CHL1: variants seen among roughly 807,000 people sequenced by gnomAD.
The protein encoded by CHL1 is cell adhesion molecule L1 like.
In CHL1, 96 loss-of-function variants were observed where a neutral mutation model predicts 141.9. That is an observed-to-expected ratio of 0.68 (90% CI 0.57 to 0.80). CHL1 has a LOEUF of 0.80. Ranked by LOEUF, CHL1 falls within the 30% of genes least tolerant of loss-of-function variation. The probability of loss-of-function intolerance (pLI) is 0.00; values close to 1 mark genes in which losing one functional copy is unlikely to be tolerated. For synonymous variants in CHL1, 613 were observed against 502.2 expected, an observed-to-expected ratio of 1.22 and a Z score of -2.95; for missense variants, 1,820 against 1,457.2, an observed-to-expected ratio of 1.25 and a Z score of -4.05.
chr3:358,748 T>A (rs957627732), intron 11 of CHL1, among the ~76,000 whole-genome samples: 2 of 151,864 alleles, frequency 1.3e-5, no homozygotes, highest in African/African-American at 4.8e-5. Flanking sequence ...GAAAAAGATG[T>A]GTAAGTCTTT....
At chr3:292,055 GTGTTA>G (rs1235223074) in intron 2 of CHL1, among the ~76,000 whole-genome samples, 1 of 152,216 alleles carries the variant, frequency 6.6e-6, no homozygotes, top group African/African-American at 2.4e-5. Flanking sequence ...ACGTTTCAGA[GTGTTA>G]GAAACCGCCT....
intron 19 of CHL1, among the ~76,000 whole-genome samples, chr3:388,071 T>C (rs1167711232): frequency 1.3e-5 from 2 of 152,246 alleles, no homozygotes; most frequent in Non-Finnish European, 2.9e-5. Context: ...TTTATATAAG[T>C]GAACCTTAAA....
chr3:246,359 A>G (rs1388056655), intron 2 of CHL1, among the ~76,000 whole-genome samples: 2 of 151,966 alleles, frequency 1.3e-5, no homozygotes, highest in Non-Finnish European at 2.9e-5. Flanking sequence ...TATTTTATTG[A>G]ATTATGTTTA....
chr3:228,185 T>C lies in CHL1; in HGVS notation c.-174-16428T>C, dbSNP rs150159009. ...AATGTATAGTCTTAAAAACAATATGTTTTTTAAGGACAATTTTAATTCAAT... is the reference window on the plus strand; with the variant it reads ...AATGTATAGTCTTAAAAACAATATGCTTTTTAAGGACAATTTTAATTCAAT... On this transcript the variant is annotated intron_variant, in intron 1 of 27. Transcript: ENST00000256509. 1.4e-3 allele frequency among the ~76,000 whole-genome samples: 209 copies of C among 152,278 alleles called. 1 individual carries two copies. The highest frequency in any genetic ancestry group is 2.3e-3 in the Non-Finnish European group (157 of 68,000).
At chr3:240,595 TTAA>T (rs1271667329) in intron 1 of CHL1, among the ~76,000 whole-genome samples, 1 of 152,218 alleles carries the variant, frequency 6.6e-6, no homozygotes, top group Non-Finnish European at 1.5e-5. Flanking sequence ...CAGAAGCTCT[TTAA>T]TTAAGTCCCA....
In CHL1 at chr3:405,639, C is replaced by T. The variant is rs566190442; in HGVS notation, c.3603C>T (p.Tyr1201=). Residue 1201 remains tyrosine, a synonymous_variant, in exon 28 of 28, where the codon TAC becomes TAT. Transcript: ENST00000256509. ...FSEDGSFIGA[Y]AGSKEKGSVE... is the part of the protein sequence containing the mutation. ...AAGATGGATCATTTATTGGTGCCTA[C>T]GCTGGATCTAAGGAGAAGGGATCTG... The T allele has an allele frequency of 4.0e-5, 64 of 1,613,502 alleles. No individual in the cohort carries two copies. The Admixed American group carries it at 5.0e-4, about 13-fold the overall frequency.
At chr3:258,385 A>G (rs1305808963) in intron 2 of CHL1, among the ~76,000 whole-genome samples, 1 of 152,204 alleles carries the variant, frequency 6.6e-6, no homozygotes, top group Non-Finnish European at 1.5e-5. Context: ...GCCAACATCT[A>G]CTTCCACATC....
At chr3:236,104 T>C (rs1691953742) in intron 1 of CHL1, among the ~76,000 whole-genome samples, 1 of 152,150 alleles carries the variant, frequency 6.6e-6, no homozygotes, top group Admixed American at 6.6e-5. Flanking sequence ...ATTTGGACCT[T>C]GTGTGGCAGC....
chr3:236,595 A>G (rs73018685), intron 1 of CHL1, among the ~76,000 whole-genome samples: 10,597 of 152,198 alleles, frequency 0.07, 410 homozygotes, highest in Middle Eastern at 0.11. Flanking sequence ...ATATAATTCT[A>G]TTGTGTACGA....
At chr3:303,455 C>T (rs1050162202) in intron 2 of CHL1, among the ~76,000 whole-genome samples, 15 of 152,144 alleles carry the variant, frequency 9.9e-5, no homozygotes, top group Admixed American at 2.0e-4. Context: ...CCTTCACATC[C>T]CTTGTAAGTT....
At chr3:280,912 A>ACC (rs1696586126) in intron 2 of CHL1, among the ~76,000 whole-genome samples, 1 of 148,998 alleles carries the variant, frequency 6.7e-6, no homozygotes, top group Non-Finnish European at 1.5e-5. Flanking sequence ...ACACACATGC[A>ACC]CCACACACAC....
At chr3:213,066 C>T (rs1418217167) in intron 1 of CHL1, 2 of 152,194 alleles carry the variant, frequency 1.3e-5, no homozygotes, top group African/African-American at 4.8e-5. Flanking sequence ...GAAGTCATTG[C>T]ATTTTAGGTA....
At chr3:214,945 C>T (rs1360468019) in intron 1 of CHL1, among the ~76,000 whole-genome samples, 1 of 110,676 alleles carries the variant, frequency 9.0e-6, no homozygotes, top group Non-Finnish European at 1.8e-5. Context: ...AAATGCCTAG[C>T]ATGTGCACGT....
intron 2 of CHL1, among the ~76,000 whole-genome samples, chr3:249,966 A>G (rs1445318526): frequency 6.6e-6 from 1 of 151,988 alleles, no homozygotes; most frequent in Non-Finnish European, 1.5e-5. Flanking sequence ...ATAGGAAAAA[A>G]AAGCATACTT....
intron 4 of CHL1, among the ~76,000 whole-genome samples, chr3:327,533 A>G (rs190499405): frequency 6.6e-6 from 1 of 152,102 alleles, no homozygotes; most frequent in East Asian, 1.9e-4. Flanking sequence ...AAATATTTGG[A>G]CAAGTACCAA....
intron 2 of CHL1, among the ~76,000 whole-genome samples, chr3:269,102 T>C (rs1266613312): frequency 1.3e-5 from 2 of 152,166 alleles, no homozygotes; most frequent in Non-Finnish European, 2.9e-5. Flanking sequence ...AGGAGCTTCT[T>C]AAGAGTTGAA....
At chr3:374,499 T>A (rs912924292) in intron 15 of CHL1, among the ~76,000 whole-genome samples, 25 of 152,284 alleles carry the variant, frequency 1.6e-4, no homozygotes, top group African/African-American at 5.8e-4. Flanking sequence ...CATGGACATT[T>A]AGGCTTTGAC....
chr3:282,346 C>A (rs1187514576), intron 2 of CHL1, among the ~76,000 whole-genome samples: 2 of 152,098 alleles, frequency 1.3e-5, no homozygotes, highest in Non-Finnish European at 2.9e-5. Flanking sequence ...TATTATAATT[C>A]TTGATTTATG....
intron 1 of CHL1, among the ~76,000 whole-genome samples, chr3:205,973 A>G (rs1222512628): frequency 6.6e-6 from 1 of 152,218 alleles, no homozygotes; most frequent in Non-Finnish European, 1.5e-5. Context: ...TCTGATTTCC[A>G]GCCCCAGCAG....
Sources: gnomAD v4.1 joint callset for allele counts (sites outside exome capture counted in the v4.1 genomes callset) on GRCh38, gnomAD v4.1.1 for gene constraint, MANE v1.5 for transcripts, NCBI Gene and HGNC (gene_info 2026-07-23, HGNC 2026-07-21) for gene names.